Variants in KAZN observed in about 807,000 individuals in gnomAD.
The protein encoded by KAZN is kazrin.
In KAZN, 40 loss-of-function variants were observed where a neutral mutation model predicts 87.4. The observed-to-expected ratio is 0.46, with a 90% CI of 0.36 to 0.60. KAZN has a LOEUF of 0.60. KAZN is among the 20% of genes least tolerant of loss of function. KAZN has a pLI of 0.00. For missense variants in KAZN, 898 were observed against 1,073.9 expected, an observed-to-expected ratio of 0.84 and a Z score of 2.29; for synonymous variants, 466 against 458.3, an observed-to-expected ratio of 1.02 and a Z score of -0.22.
intron 2 of KAZN, among the ~76,000 whole-genome samples, chr1:14,452,720 C>T (rs1203777105): frequency 6.6e-6 from 1 of 152,148 alleles, no homozygotes; most frequent in Non-Finnish European, 1.5e-5. Context: ...TGTGAAGACA[C>T]TCTAGTTAAG....
chr1:14,952,164 C>T (rs1054804390), intron 1 of KAZN, among the ~76,000 whole-genome samples: 4 of 152,016 alleles, frequency 2.6e-5, no homozygotes, highest in Non-Finnish European at 5.9e-5. Flanking sequence ...ATACAGAGCT[C>T]TTGTCACTTG....
rs1553182614 is a variant in KAZN at position 14,514,615 on chromosome 1, A to ATTTTCTATGTATTT, written c.250-84367_250-84366insTTTCTATGTATTTT. 9.2e-5 allele frequency among the ~76,000 whole-genome samples: 3 copies of ATTTTCTATGTATTT among 32,778 alleles called. 1 individual carries two copies. The highest frequency in any genetic ancestry group is 2.0e-4 in the Non-Finnish European group (3 of 15,254). The allele number at this position is 32,778 out of a possible 152,430, so 21.5% of individuals were successfully genotyped here. A position where few individuals can be genotyped will look rare whatever the true frequency, so the allele number is the denominator to read the frequency against. On this transcript the variant is annotated intron_variant, in intron 2 of 16. Coordinates refer to the KAZN transcript ENST00000636203. The stretch of plus-strand genomic sequence containing the variant: ...ATATTTTATATATATATATATATAT[A>ATTTTCTATGTATTT]TATATATATATATATATATATATAT...
At chr1:14,158,847 T>C (rs1212533696) in intron 1 of KAZN, among the ~76,000 whole-genome samples, 2 of 152,234 alleles carry the variant, frequency 1.3e-5, no homozygotes, top group African/African-American at 2.4e-5. Context: ...GCTGTGGCTC[T>C]TATGGACTCA....
rs546280126 is a variant in KAZN, at chr1:14,173,258, T to C, written c.92-7177T>C. On this transcript the variant is annotated intron_variant, in intron 1 of 16. Transcript: ENST00000636203. ...CAAGCATCTTTATAGTAATCAAGAC[T>C]TCCTGATTGCAAATGATAGAAACCT... is the stretch of plus-strand genomic sequence containing the variant. 2.6e-5 allele frequency among the ~76,000 whole-genome samples: 4 copies of C among 152,264 alleles called. No individual in the cohort carries two copies. In the East Asian group the frequency reaches 7.7e-4, roughly 29 times the overall value.
chr1:14,732,803 G>A (rs925434814), intron 1 of KAZN, among the ~76,000 whole-genome samples: 4 of 151,880 alleles, frequency 2.6e-5, no homozygotes, highest in Non-Finnish European at 5.9e-5. Flanking sequence ...TTGGCCCTAC[G>A]GTGCCATGAG....
chr1:14,096,396 T>C (rs1644128929), intron 1 of KAZN, among the ~76,000 whole-genome samples: 1 of 152,050 alleles, frequency 6.6e-6, no homozygotes, highest in African/African-American at 2.4e-5. Context: ...GGCTTAAGAG[T>C]GAGCCAGATG....
intron 1 of KAZN, among the ~76,000 whole-genome samples, chr1:14,936,689 T>A (rs961502037): frequency 2.6e-5 from 4 of 152,194 alleles, no homozygotes; most frequent in African/African-American, 9.7e-5. Context: ...AACTGACAGC[T>A]GAGCAGGACG....
intron 2 of KAZN, among the ~76,000 whole-genome samples, chr1:14,507,105 A>G (rs746295589): frequency 5.9e-5 from 9 of 152,170 alleles, no homozygotes; most frequent in Non-Finnish European, 1.3e-4. Flanking sequence ...CATTGCCTTT[A>G]TATTTCCCCA....
At position 14,735,440 on chromosome 1, in the gene KAZN, C is replaced by T. The variant is rs915701966; in HGVS notation, c.226+136217C>T. Among the ~76,000 whole-genome samples the T allele has an allele frequency of 6.6e-6, 1 of 152,188 alleles. No homozygotes were observed. Among genetic ancestry groups the T allele is most frequent in the African/African-American group, 2.4e-5 (1 of 41,442 alleles). ...AGGATCTCCTTCTTCTTCCAGGCAG[C>T]CCTGCCCTGGTTTCCAGCCACCTTG... is the stretch of plus-strand genomic sequence containing the variant. On this transcript the variant is annotated intron_variant, in intron 1 of 14. Coordinates refer to ENST00000376030, the MANE Select transcript of KAZN (RefSeq NM_201628.3). This position sits in a 1 kb window ranked among gnomAD's most constrained non-coding sequence, Gnocchi z 4.3.
intron 8 of KAZN, among the ~76,000 whole-genome samples, chr1:15,071,638 G>A (rs541002658): frequency 6.6e-6 from 1 of 152,162 alleles, no homozygotes; most frequent in African/African-American, 2.4e-5. Context: ...TATGCAGCAC[G>A]GTACTCTATA....
Position 15,099,921 on chromosome 1 carries a change from G to A in KAZN, c.1548-1622G>A, listed in dbSNP as rs1454173322. ...CAGAGTGACCGACAGACAAGGACGG[G>A]CTATCAGCTTGGGAGCTGGGTGACA... On this transcript the variant is annotated intron_variant, in intron 10 of 14. Coordinates refer to ENST00000376030, the MANE Select transcript of KAZN (RefSeq NM_201628.3). The surrounding 1 kb of genome is among the most constrained non-coding windows in gnomAD (Gnocchi z 5.4). Among the ~76,000 whole-genome samples the A allele has an allele frequency of 6.6e-6, 1 of 152,126 alleles. No individual in the cohort carries two copies. The highest frequency in any genetic ancestry group is 1.9e-4 in the East Asian group (1 of 5,192).
At chr1:14,225,221 T>C (rs796750287) in intron 2 of KAZN, among the ~76,000 whole-genome samples, 2 of 152,284 alleles carry the variant, frequency 1.3e-5, no homozygotes, top group African/African-American at 4.8e-5. Flanking sequence ...AAAATCAATG[T>C]ACAAAAATGA....
chr1:14,327,213 G>A (rs577315347), intron 2 of KAZN, among the ~76,000 whole-genome samples: 4 of 152,258 alleles, frequency 2.6e-5, no homozygotes, highest in African/African-American at 9.6e-5. Flanking sequence ...GTAGCTTTAA[G>A]GTTATACATA....
chr1:14,318,981 G>T (rs1043928365), intron 2 of KAZN, among the ~76,000 whole-genome samples: 3 of 150,956 alleles, frequency 2.0e-5, no homozygotes. Context: ...TCTCTGTACT[G>T]TCTGGGCCTG....
chr1:13,989,204 C>T (rs1165544621), intron 1 of KAZN, among the ~76,000 whole-genome samples: 1 of 152,112 alleles, frequency 6.6e-6, no homozygotes, highest in East Asian at 1.9e-4. Flanking sequence ...TAGGCCTCAC[C>T]TCCCAATACT....
In KAZN at chr1:15,114,753, C is replaced by G. The variant is rs1254070951; in HGVS notation, c.*118C>G. 4 of 1,052,626 alleles carry G rather than the reference C, an allele frequency of 3.8e-6. No individual in the cohort carries two copies. In the South Asian group the frequency reaches 7.1e-5, roughly 19 times the overall value. 65.2% of individuals were successfully genotyped at this position (1,052,626 alleles called of 1,614,324 possible). Reference sequence around the variant, plus strand: ...CCGCAGGCTGAGGATGTCCCTTGCTCCTGGGCAAAATCCCGATGGACTCTG... The same window carrying G: ...CCGCAGGCTGAGGATGTCCCTTGCTGCTGGGCAAAATCCCGATGGACTCTG... On this transcript the variant is annotated 3_prime_UTR_variant, in exon 15 of 15. Coordinates refer to ENST00000376030, the MANE Select transcript of KAZN (RefSeq NM_201628.3).
chr1:14,419,354 C>T (rs967019210), intron 2 of KAZN, among the ~76,000 whole-genome samples: 1 of 152,206 alleles, frequency 6.6e-6, no homozygotes, highest in East Asian at 1.9e-4. Flanking sequence ...TTCCACCCTG[C>T]CCGGCCATCC....
At chr1:13,935,600 G>A (rs961647990) in intron 1 of KAZN, among the ~76,000 whole-genome samples, 3 of 152,170 alleles carry the variant, frequency 2.0e-5, no homozygotes, top group African/African-American at 4.8e-5. Flanking sequence ...TGCAGCTCAC[G>A]GTTGGGAGGT....
chr1:14,755,578 A>C (rs1174870341), intron 1 of KAZN, among the ~76,000 whole-genome samples: 1 of 152,224 alleles, frequency 6.6e-6, no homozygotes, highest in African/African-American at 2.4e-5. Context: ...GCTGATTCCC[A>C]CAAGTGGCAG....
Sources: allele counts gnomAD v4.1 joint callset (sites outside exome capture counted in the v4.1 genomes callset), GRCh38; gene constraint gnomAD v4.1.1; non-coding constraint Gnocchi (gnomAD v3.1); transcripts MANE v1.5; gene names NCBI Gene and HGNC (gene_info 2026-07-23, HGNC 2026-07-21).